Variants in PCDH15 observed in about 807,000 individuals in gnomAD.
PCDH15 encodes protocadherin related 15, also known as protocadherin-15.
In PCDH15, 129 loss-of-function variants were observed where a neutral mutation model predicts 178.5. The ratio of observed to expected loss-of-function variants is 0.72; its 90% CI spans 0.63 to 0.84. PCDH15 has a LOEUF of 0.84. Ranked by LOEUF, PCDH15 falls within the 40% of genes least tolerant of loss-of-function variation. The pLI, the probability that PCDH15 is intolerant of heterozygous loss-of-function variation, is 0.00. For missense variants in PCDH15, 2,230 were observed against 2,099.9 expected, an observed-to-expected ratio of 1.06 and a Z score of -1.21; for synonymous variants, 800 against 732.0, an observed-to-expected ratio of 1.09 and a Z score of -1.50.
At chr10:54,009,558 T>C (rs1589888541) in intron 20 of PCDH15, among the ~76,000 whole-genome samples, 3 of 152,076 alleles carry the variant, frequency 2.0e-5, no homozygotes, top group East Asian at 3.9e-4. Flanking sequence ...TCAATCTCAT[T>C]GAGAAAAGAA....
intron 2 of PCDH15, among the ~76,000 whole-genome samples, chr10:55,123,498 A>G (rs1284666357): frequency 6.6e-6 from 1 of 152,130 alleles, no homozygotes; most frequent in African/African-American, 2.4e-5. Flanking sequence ...CACATTTTCT[A>G]TTATGTAATG....
At chr10:54,373,306 C>T (rs1280165162) in intron 4 of PCDH15, among the ~76,000 whole-genome samples, 1 of 151,656 alleles carries the variant, frequency 6.6e-6, no homozygotes, top group Non-Finnish European at 1.5e-5. Context: ...ATATTTCTGT[C>T]TATGGACTTA....
chr10:54,365,138 T>C (rs1271282702), intron 5 of PCDH15, among the ~76,000 whole-genome samples: 1 of 152,098 alleles, frequency 6.6e-6, no homozygotes, highest in Non-Finnish European at 1.5e-5. Flanking sequence ...TTAACTTCCA[T>C]AACCTTAATC....
intron 2 of PCDH15, among the ~76,000 whole-genome samples, chr10:55,490,481 C>A (rs1840387687): frequency 6.6e-6 from 1 of 151,772 alleles, no homozygotes; most frequent in Non-Finnish European, 1.5e-5. Flanking sequence ...TGCTGCAAAT[C>A]TTTTGAGTAT....
At chr10:53,934,612 AT>A (rs1009731626) in intron 25 of PCDH15, among the ~76,000 whole-genome samples, 1 of 151,156 alleles carries the variant, frequency 6.6e-6, no homozygotes, top group African/African-American at 2.5e-5. Context: ...AAAAAAAAAA[AT>A]CACACGGAGA....
At chr10:54,520,341 T>G (rs2082712129) in intron 3 of PCDH15, among the ~76,000 whole-genome samples, 1 of 152,068 alleles carries the variant, frequency 6.6e-6, no homozygotes, top group South Asian at 2.1e-4. Flanking sequence ...ATCCAGAATC[T>G]ACAATGAACT....
chr10:54,606,164 T>C (rs931117079), intron 2 of PCDH15: 1 of 152,120 alleles, frequency 6.6e-6, no homozygotes, highest in Non-Finnish European at 1.5e-5. Flanking sequence ...ATAGAGAATC[T>C]GGGAACTGGG....
intron 2 of PCDH15, among the ~76,000 whole-genome samples, chr10:55,441,169 T>C (rs997659850): frequency 7.9e-5 from 12 of 152,186 alleles, no homozygotes; most frequent in African/African-American, 2.7e-4. Flanking sequence ...TTTTATCTAA[T>C]AGCTACTGAA....
intron 14 of PCDH15, among the ~76,000 whole-genome samples, chr10:54,145,299 C>T (rs1590769995): frequency 6.6e-6 from 1 of 151,854 alleles, no homozygotes; most frequent in Admixed American, 6.6e-5. Context: ...TTATATATGT[C>T]AATATGTGCT....
At chr10:55,095,817 C>G (rs1842436700) in intron 2 of PCDH15, among the ~76,000 whole-genome samples, 1 of 151,996 alleles carries the variant, frequency 6.6e-6, no homozygotes, top group South Asian at 2.1e-4. Context: ...CATATAATAT[C>G]AAATCTTCAA....
At chr10:54,878,310 T>C in intron 3 of PCDH15, among the ~76,000 whole-genome samples, 1 of 152,268 alleles carries the variant, frequency 6.6e-6, no homozygotes, top group African/African-American at 2.4e-5. Flanking sequence ...TTAGGGAAAA[T>C]TATTTACAAT....
At chr10:54,040,727 CAG>C (rs1285482360) in intron 18 of PCDH15, among the ~76,000 whole-genome samples, 3 of 151,928 alleles carry the variant, frequency 2.0e-5, no homozygotes, top group Non-Finnish European at 4.4e-5. Context: ...CCATACATTT[CAG>C]AGACATGATG....
In PCDH15 at chr10:55,390,014, T is replaced by C. The variant is rs149167530; in HGVS notation, c.-155-223363A>G. 6.6e-3 allele frequency among the ~76,000 whole-genome samples: 1,002 copies of C among 152,262 alleles called. 10 individuals carry two copies. Among genetic ancestry groups the C allele is most frequent in the African/African-American group, 0.023 (964 of 41,550 alleles). On this transcript the variant is annotated intron_variant, in intron 2 of 5. Coordinates refer to the PCDH15 transcript ENST00000613346. ...GAGCAGATTACAAAGAGTTTCCTTATACTGCATGTGAGATGTTATTACAGG... is the reference window on the plus strand; with the variant it reads ...GAGCAGATTACAAAGAGTTTCCTTACACTGCATGTGAGATGTTATTACAGG...
intron 2 of PCDH15, among the ~76,000 whole-genome samples, chr10:54,968,161 C>G (rs969900767): frequency 6.6e-6 from 1 of 152,112 alleles, no homozygotes; most frequent in African/African-American, 2.4e-5. Flanking sequence ...TATATATGTA[C>G]ATAACTGTTC....
At chr10:54,951,549 T>C (rs1329381888) in intron 2 of PCDH15, among the ~76,000 whole-genome samples, 2 of 151,956 alleles carry the variant, frequency 1.3e-5, no homozygotes, top group African/African-American at 4.8e-5. Flanking sequence ...GTGTGGTTAT[T>C]AGTTTTCACC....
intron 6 of PCDH15, among the ~76,000 whole-genome samples, chr10:54,344,045 T>C: frequency 6.6e-6 from 1 of 152,134 alleles, no homozygotes; most frequent in Non-Finnish European, 1.5e-5. Flanking sequence ...ATAAAATTTA[T>C]CATGTATTTT....
At chr10:54,856,031 C>T (rs1162165458) in intron 3 of PCDH15, among the ~76,000 whole-genome samples, 1 of 152,154 alleles carries the variant, frequency 6.6e-6, no homozygotes, top group Non-Finnish European at 1.5e-5. Context: ...GCACATCTTT[C>T]TTCTTTTCCA....
chr10:54,724,331 A>G (rs562399656), intron 1 of PCDH15, among the ~76,000 whole-genome samples: 1 of 151,686 alleles, frequency 6.6e-6, no homozygotes, highest in South Asian at 2.1e-4. Flanking sequence ...AACAAGAGGT[A>G]CATATAGATG....
At chr10:53,949,306 C>T (rs80267762) in intron 23 of PCDH15, among the ~76,000 whole-genome samples, 2,301 of 152,256 alleles carry the variant, frequency 0.015, 65 homozygotes, top group African/African-American at 0.052. Context: ...TCAGGTAAAG[C>T]CAGCTCTTAC....
Sources: allele counts gnomAD v4.1 joint callset (sites outside exome capture counted in the v4.1 genomes callset), GRCh38; gene constraint gnomAD v4.1.1; transcripts MANE v1.5; gene names NCBI Gene and HGNC (gene_info 2026-07-23, HGNC 2026-07-21).